GNPAT: variants seen among roughly 807,000 people sequenced by gnomAD.
GNPAT encodes the protein glyceronephosphate O-acyltransferase, also known as dihydroxyacetone phosphate acyltransferase.
Under a neutral mutation model 78.4 loss-of-function variants are expected in GNPAT, and 30 were observed. The observed-to-expected ratio is 0.38, with a 90% CI of 0.29 to 0.52. The LOEUF is 0.52. Among genes scored for constraint, GNPAT ranks in the 20% least tolerant of loss-of-function variants. GNPAT has a pLI of 0.84. For synonymous variants in GNPAT, 271 were observed against 281.1 expected (o/e 0.96, Z 0.36); for missense variants, 714 against 812.2 (o/e 0.88, Z 1.47).
intron 2 of GNPAT, 78 bp downstream of exon 2, chr1:231,251,221 C>G: frequency 1.2e-6 from 1 of 828,652 alleles, no homozygotes; most frequent in Non-Finnish European, 2.0e-6. Flanking sequence ...TATTTTGCTA[C>G]TTTAATATAT....
chr1:231,265,661 A>AT, intron 5 of GNPAT, 51 bp from the exon 6 acceptor site: 1 of 1,096,596 alleles, frequency 9.1e-7, no homozygotes, highest in Non-Finnish European at 1.4e-6. Flanking sequence ...AGCATTTATC[A>AT]TTTTGAGAGT....
At chr1:231,264,514 C>T (rs538643) in intron 4 of GNPAT, among the ~76,000 whole-genome samples, 83,083 of 151,982 alleles carry the variant, frequency 0.55, 22,887 homozygotes, top group East Asian at 0.62. Context: ...CAAGTATACA[C>T]GTTTGTTAAT....
chr1:231,262,157 T>C (rs975149926), intron 3 of GNPAT, among the ~76,000 whole-genome samples: 15 of 152,260 alleles, frequency 9.9e-5, no homozygotes, highest in African/African-American at 3.6e-4. Context: ...ACCCTGGCAG[T>C]GAGTCCAGCA....
At chr1:231,277,234 C>T (rs1040720759) in intron 15 of GNPAT, among the ~76,000 whole-genome samples, 7 of 152,322 alleles carry the variant, frequency 4.6e-5, no homozygotes, top group African/African-American at 1.2e-4. Context: ...GTGATGTGAG[C>T]GTGAACATAC....
rs573605839 is a variant in GNPAT at position 231,259,562 on chromosome 1, G to A, written c.262-945G>A. On this transcript the variant is annotated intron_variant, in intron 2 of 15. Transcript: ENST00000366647. Reference sequence around the variant, plus strand: ...CTCGGGAGGCTAAGGCAGGAGAATCGCTTGAACCCGGGAAGCAGAGGTTGC... The same window carrying A: ...CTCGGGAGGCTAAGGCAGGAGAATCACTTGAACCCGGGAAGCAGAGGTTGC... Among the ~76,000 whole-genome samples, 115 of 150,826 alleles carry A rather than the reference G, an allele frequency of 7.6e-4. 1 individual carries two copies. The highest frequency in any genetic ancestry group is 2.6e-3 in the African/African-American group (107 of 40,950).
In GNPAT at chr1:231,275,454, C is replaced by A; in HGVS notation, c.1893C>A (p.Ala631=). 1 of 1,612,244 alleles carries A rather than the reference C, an allele frequency of 6.2e-7. No homozygotes were observed. The highest frequency in any genetic ancestry group is 1.1e-5 in the South Asian group (1 of 91,008). Residue 631 remains alanine, a synonymous_variant, in exon 14 of 16, where the codon GCC becomes GCA. Transcript: ENST00000366647. The part of the protein sequence containing the change: ...DVLSSDVQKN[A]LAACVRLGVV... The stretch of plus-strand genomic sequence containing the variant: ...TATCTTCTGATGTGCAGAAAAACGC[C>A]TTAGCAGCCTGTGTGAGGCTCGGAG...
intron 1 of GNPAT, among the ~76,000 whole-genome samples, chr1:231,245,625 T>G (rs1234493473): frequency 6.6e-6 from 1 of 152,176 alleles, no homozygotes; most frequent in African/African-American, 2.4e-5. Context: ...AAGAGCTGAT[T>G]GTTAAATTTT....
rs1252934030 is a variant in GNPAT, at chr1:231,251,088, T to C, written c.206T>C (p.Ile69Thr). The change falls in exon 2 of 16, where the codon ATT (isoleucine) becomes ACT (threonine). Residue 69 changes from isoleucine (I) to threonine (T), a missense_variant. Physicochemically the swap from Ile to Thr is moderately conservative, Grantham distance 89 (BLOSUM62 -1). Coordinates refer to ENST00000366647, the MANE Select transcript of GNPAT (RefSeq NM_014236.4). ...VYKGITPCKP[I>T]DIKCSVLNSE... is the part of the protein sequence containing the mutation. ...AAGGGAATTACTCCATGTAAACCAA[T>C]TGATATTAAATGTAGTGTTCTCAAT... is the stretch of plus-strand genomic sequence containing the variant. The C allele has an allele frequency of 3.1e-6, 5 of 1,597,492 alleles. No homozygotes were observed. Among genetic ancestry groups the C allele is most frequent in the Admixed American group, 3.3e-5 (2 of 59,922 alleles).
chr1:231,265,913 G>A lies in GNPAT; in HGVS notation c.773-101G>A. Reference sequence around the variant, plus strand: ...AATGTATAACTGTTGATATTTACGGGATTAGTGTATAATGTATGCTTTTAG... The same window carrying A: ...AATGTATAACTGTTGATATTTACGGAATTAGTGTATAATGTATGCTTTTAG... On this transcript the variant is annotated intron_variant, in intron 6 of 15. Coordinates refer to ENST00000366647, the MANE Select transcript of GNPAT (RefSeq NM_014236.4). The A allele has an allele frequency of 6.5e-6, 7 of 1,085,092 alleles. No individual in the cohort carries two copies. In the South Asian group the frequency reaches 8.8e-5, roughly 14 times the overall value. 67.2% of individuals were successfully genotyped at this position (1,085,092 alleles called of 1,614,324 possible). A position where few individuals can be genotyped will look rare whatever the true frequency, so the allele number is the denominator to read the frequency against.
intron 2 of GNPAT, among the ~76,000 whole-genome samples, chr1:231,256,729 G>T (rs539861166): frequency 1.3e-5 from 2 of 151,804 alleles, no homozygotes; most frequent in Non-Finnish European, 2.9e-5. Context: ...CTCGTGATCC[G>T]CCCGCCTCGG....
In GNPAT at chr1:231,274,110, A is replaced by G. The variant is rs1358270190; in HGVS notation, c.1743+48A>G. 5 of 1,509,652 alleles carry G rather than the reference A, an allele frequency of 3.3e-6. No homozygotes were observed. The Admixed American group carries it at 8.3e-5, about 25-fold the overall frequency. 93.5% of individuals were successfully genotyped at this position (1,509,652 alleles called of 1,614,324 possible). ...CCTTCATGCCCCCCATATCAAATAT[A>G]ATAAGACATTCTCACCCTGTGCTTA... On this transcript the variant is annotated intron_variant, in intron 12 of 15. Transcript: ENST00000366647.
rs763250006 is a variant in GNPAT at position 231,274,050 on chromosome 1, G to A, written c.1731G>A (p.Val577=). Residue 577 remains valine (V), a synonymous_variant, in exon 12 of 16, where the codon GTG becomes GTA. Coordinates refer to ENST00000366647, the MANE Select transcript of GNPAT (RefSeq NM_014236.4). ...EFLVGLFKPF[V]ESYQIICKYL... is the part of the protein sequence containing the mutation. ...TAGTAGGACTCTTTAAACCTTTTGT[G>A]GAAAGCTATCAGGTATGTAAATTTG... The A allele has an allele frequency of 9.3e-6, 15 of 1,613,350 alleles. No individual in the cohort carries two copies. In the Admixed American group the frequency reaches 2.5e-4, roughly 27 times the overall value.
intron 11 of GNPAT, 68 bp downstream of exon 11, chr1:231,272,459 C>A: frequency 2.3e-6 from 2 of 858,818 alleles, no homozygotes; most frequent in Non-Finnish European, 4.0e-6. Context: ...GGGGTGAATT[C>A]ACAGATGTGT....
intron 8 of GNPAT, 141 bp from the exon 9 acceptor site, chr1:231,267,539 G>A (rs1261680022): frequency 1.8e-5 from 13 of 719,556 alleles, no homozygotes. Context: ...GTAAAGCAAA[G>A]GAATACTGTT....
At chr1:231,247,381 A>G (rs1398199283) in intron 1 of GNPAT, among the ~76,000 whole-genome samples, 1 of 152,200 alleles carries the variant, frequency 6.6e-6, no homozygotes, top group Non-Finnish European at 1.5e-5. Flanking sequence ...AGAAGTTCAC[A>G]GTCTTGTAAG....
At position 231,265,756 on chromosome 1, in the gene GNPAT, C is replaced by T. The variant is rs1196043353; in HGVS notation, c.741C>T (p.Ser247=). 4 of 1,606,154 alleles carry T rather than the reference C, an allele frequency of 2.5e-6. No individual in the cohort carries two copies. The East Asian group carries it at 6.7e-5, about 27-fold the overall frequency. The change falls in exon 6 of 16, where the codon AGC becomes AGT. Residue 247 remains serine, a synonymous_variant. Transcript: ENST00000366647. ...AATTTTTCCTCGAAGGGACAAGAAG[C>T]CGCTCTGCCAAGACATTGACTCCTA... ...PVEFFLEGTR[S]RSAKTLTPKF...
At chr1:231,256,546 G>A (rs1460253168) in intron 2 of GNPAT, among the ~76,000 whole-genome samples, 1 of 142,704 alleles carries the variant, frequency 7.0e-6, no homozygotes, top group Non-Finnish European at 1.5e-5. Context: ...GAGTGCAGTG[G>A]CGCGATCTGG....
In GNPAT at chr1:231,241,237, C is replaced by T. The variant is rs1684586772; in HGVS notation, c.-142C>T. ...CCGTCCTGGCTGAGATGGCGGCGCCCGGGATCCTGTGTAGCGGCTGCAGAG... is the reference window on the plus strand; with the variant it reads ...CCGTCCTGGCTGAGATGGCGGCGCCTGGGATCCTGTGTAGCGGCTGCAGAG... On this transcript the variant is annotated 5_prime_UTR_variant, in exon 1 of 16. Transcript: ENST00000366647. 6 of 1,479,696 alleles carry T rather than the reference C, an allele frequency of 4.1e-6. No homozygotes were observed. The African/African-American group carries it at 5.6e-5, about 14-fold the overall frequency. The allele number at this position is 1,479,696 out of a possible 1,614,324, so 91.7% of individuals were successfully genotyped here. A position where few individuals can be genotyped will look rare whatever the true frequency, so the allele number is the denominator to read the frequency against.
Position 231,274,038 on chromosome 1 carries a change from T to A in GNPAT, c.1719T>A (p.Phe573Leu). 1.2e-6 allele frequency: 2 copies of A among 1,613,620 alleles called. No homozygotes were observed. Among genetic ancestry groups the A allele is most frequent in the Non-Finnish European group, 1.7e-6 (2 of 1,179,522 alleles). ...TGTTAGAATTTTTAGTAGGACTCTT[T>A]AAACCTTTTGTGGAAAGCTATCAGG... is the stretch of plus-strand genomic sequence containing the variant. ...NTVLEFLVGL[F>L]KPFVESYQII... Residue 573 changes from phenylalanine (F) to leucine (L), a missense_variant, in exon 12 of 16, where the codon TTT becomes TTA. Phe to Leu is a conservative substitution (Grantham distance 22, BLOSUM62 0). Coordinates refer to ENST00000366647, the MANE Select transcript of GNPAT (RefSeq NM_014236.4).
Sources: gnomAD v4.1 joint callset for allele counts (sites outside exome capture counted in the v4.1 genomes callset) on GRCh38, gnomAD v4.1.1 for gene constraint, MANE v1.5 for transcripts, NCBI Gene and HGNC (gene_info 2026-07-23, HGNC 2026-07-21) for gene names.